The following DCHS2 variants were observed in gnomAD, a reference collection of about 807,000 sequenced individuals.
DCHS2 encodes the protein protocadherin-23.
DCHS2 carries 142 observed loss-of-function variants against 182.4 expected under a neutral mutation model. The ratio of observed to expected loss-of-function variants is 0.78; its 90% CI spans 0.68 to 0.89. The LOEUF is 0.89. DCHS2 is among the 40% of genes least tolerant of loss of function. The pLI is 0.00. For missense variants in DCHS2, 4,319 were observed against 4,198.6 expected (o/e 1.03, Z -0.79); for synonymous variants, 1,740 against 1,663.3 (o/e 1.05, Z -1.12).
chr4:154,374,267 C>T, intron 2 of DCHS2: 1 of 326,280 alleles, frequency 3.1e-6, no homozygotes, highest in Non-Finnish European at 5.7e-6. Flanking sequence ...GTTGAATCAA[C>T]AGGGGCTTGT....
chr4:154,456,102 G>A (rs996946773), intron 1 of DCHS2, among the ~76,000 whole-genome samples: 3 of 151,122 alleles, frequency 2.0e-5, no homozygotes, highest in Admixed American at 2.0e-4. Context: ...AAAAAAAAAA[G>A]TAATAATTTG....
chr4:154,393,216 C>A (rs1255194469), intron 1 of DCHS2, among the ~76,000 whole-genome samples: 1 of 152,122 alleles, frequency 6.6e-6, no homozygotes, highest in Admixed American at 6.6e-5. Context: ...CCAGAAGAGA[C>A]CAACAGATAA....
At chr4:154,406,593 C>T (rs1732411750) in intron 1 of DCHS2, among the ~76,000 whole-genome samples, 1 of 152,172 alleles carries the variant, frequency 6.6e-6, no homozygotes, top group South Asian at 2.1e-4. Flanking sequence ...ATCAACCCCA[C>T]CCAAGAATGT....
chr4:154,236,162 C>A lies in DCHS2; in HGVS notation c.8490G>T (p.Leu2830Phe). The A allele has an allele frequency of 6.2e-7, 1 of 1,613,740 alleles. No individual in the cohort carries two copies. The highest frequency in any genetic ancestry group is 8.5e-7 in the Non-Finnish European group (1 of 1,179,944). ...TTTGCTTAGCATGAATATCCCCTGTCAAAGGGTCAATGAGGAAGAGATCAT... is the reference window on the plus strand; with the variant it reads ...TTTGCTTAGCATGAATATCCCCTGTAAAAGGGTCAATGAGGAAGAGATCAT... ...YDHDLFLIDPLTGDIHAKQIL... is the reference protein window; with the variant it reads ...YDHDLFLIDPFTGDIHAKQIL... Residue 2830 changes from leucine to phenylalanine, a missense_variant, in exon 20 of 20, where the codon TTG becomes TTT. By Grantham distance (22) the Leu-to-Phe change is conservative (BLOSUM62 0). Coordinates refer to ENST00000357232, the MANE Select transcript of DCHS2 (RefSeq NM_001358235.2).
chr4:154,345,626 C>T (rs1411611900), intron 3 of DCHS2, among the ~76,000 whole-genome samples: 6 of 151,328 alleles, frequency 4.0e-5, no homozygotes, highest in South Asian at 2.1e-4. Context: ...CTTCATGAAA[C>T]CTATCATAAC....
At chr4:154,421,103 A>T (rs2110914717) in intron 1 of DCHS2, among the ~76,000 whole-genome samples, 1 of 152,338 alleles carries the variant, frequency 6.6e-6, no homozygotes, top group South Asian at 2.1e-4. Context: ...GATAGGTATT[A>T]TCTAGATACT....
Position 154,360,887 on chromosome 4 carries a change from G to C in DCHS2, c.2476+5323C>G, listed in dbSNP as rs1267010539. Among the ~76,000 whole-genome samples the C allele has an allele frequency of 4.6e-5, 7 of 152,106 alleles. No homozygotes were observed. The South Asian group carries it at 1.2e-3, about 27-fold the overall frequency. ...TTTGTGTACACCACAACTAAACATAGAACAGACAAAGGCTAAGCCACATAA... is the reference window on the plus strand; with the variant it reads ...TTTGTGTACACCACAACTAAACATACAACAGACAAAGGCTAAGCCACATAA... On this transcript the variant is annotated intron_variant, in intron 3 of 19. Coordinates refer to ENST00000357232, the MANE Select transcript of DCHS2 (RefSeq NM_001358235.2).
At chr4:154,324,971 G>T (rs1736219997) in intron 7 of DCHS2, among the ~76,000 whole-genome samples, 1 of 152,034 alleles carries the variant, frequency 6.6e-6, no homozygotes, top group Non-Finnish European at 1.5e-5. Context: ...AAAAAATAAA[G>T]ATGGGAATAA....
chr4:154,321,116 G>A lies in DCHS2; in HGVS notation c.4283C>T (p.Ser1428Phe), dbSNP rs1736046222. The part of the protein sequence containing the change: ...PTKIMSLIKS[S>F]DHLQQHYNGK... Reference sequence around the variant, plus strand: ...ATTATAATGTTGTTGAAGGTGATCAGATGACTTTATCAAGCTCATTATTTT... The same window carrying A: ...ATTATAATGTTGTTGAAGGTGATCAAATGACTTTATCAAGCTCATTATTTT... The change falls in exon 9 of 20, where the codon TCT becomes TTT. Residue 1428 changes from serine (S) to phenylalanine (F), a missense_variant. Physicochemically the swap from Ser to Phe is radical, Grantham distance 155. Transcript: ENST00000357232. 1.0e-5 allele frequency: 16 copies of A among 1,605,182 alleles called. No homozygotes were observed. Among genetic ancestry groups the A allele is most frequent in the Non-Finnish European group, 1.4e-5 (16 of 1,173,300 alleles).
Position 154,234,399 on chromosome 4 carries a change from A to G in DCHS2, c.*137T>C. The G allele has an allele frequency of 8.2e-7, 1 of 1,216,874 alleles. No homozygotes were observed. Among genetic ancestry groups the G allele is most frequent in the Non-Finnish European group, 1.1e-6 (1 of 906,448 alleles). 75.4% of individuals were successfully genotyped at this position (1,216,874 alleles called of 1,614,324 possible). Reference sequence around the variant, plus strand: ...AGAAATTGGAGAAACTTTAATGGGGAAGTTTTAAAAACTCTAACTAAATTA... The same window carrying G: ...AGAAATTGGAGAAACTTTAATGGGGGAGTTTTAAAAACTCTAACTAAATTA... On this transcript the variant is annotated 3_prime_UTR_variant, in exon 20 of 20. Transcript: ENST00000357232.
intron 16 of DCHS2, among the ~76,000 whole-genome samples, chr4:154,251,420 G>GAATT (rs1468211973): frequency 4.0e-5 from 6 of 148,298 alleles, no homozygotes; most frequent in Non-Finnish European, 9.0e-5. Context: ...TCTATTACAA[G>GAATT]AATTCAATTA....
intron 12 of DCHS2, 30 bp from the exon 13 acceptor site, chr4:154,298,738 T>G (rs1487908096): frequency 1.3e-6 from 2 of 1,529,262 alleles, no homozygotes; most frequent in Middle Eastern, 1.8e-4. Flanking sequence ...CAAATTCATT[T>G]GAATTGAAAA....
chr4:154,421,452 T>C (rs1049165332), intron 1 of DCHS2, among the ~76,000 whole-genome samples: 2 of 152,168 alleles, frequency 1.3e-5, no homozygotes, highest in African/African-American at 4.8e-5. Flanking sequence ...TGGAGTGCAA[T>C]GGCATGATCC....
At chr4:154,313,518 T>C (rs1314204081) in intron 10 of DCHS2, among the ~76,000 whole-genome samples, 1 of 152,164 alleles carries the variant, frequency 6.6e-6, no homozygotes, top group Non-Finnish European at 1.5e-5. Context: ...AAATACGTAC[T>C]ATAAAGTAAA....
At position 154,489,627 on chromosome 4, in the gene DCHS2, G is replaced by A. The variant is rs1374169718; in HGVS notation, c.1729C>T (p.Arg577Cys). ...GCCGAGAGTTGGACTACAGTGTAGCGCAGCCAGGCGTGATCACTGCCTGCC... is the reference window on the plus strand; with the variant it reads ...GCCGAGAGTTGGACTACAGTGTAGCACAGCCAGGCGTGATCACTGCCTGCC... ...DEAGSDHAWL[R>C]YTVVQLSAPC... The change falls in exon 1 of 20, where the codon CGC (arginine) becomes TGC (cysteine). Residue 577 changes from arginine (R) to cysteine (C), a missense_variant. Coordinates refer to ENST00000357232, the MANE Select transcript of DCHS2 (RefSeq NM_001358235.2). 3 of 1,551,542 alleles carry A rather than the reference G, an allele frequency of 1.9e-6. No individual in the cohort carries two copies. Among genetic ancestry groups the A allele is most frequent in the Admixed American group, 2.0e-5 (1 of 51,012 alleles).
intron 3 of DCHS2, among the ~76,000 whole-genome samples, chr4:154,356,601 C>A (rs989919347): frequency 2.0e-5 from 3 of 152,082 alleles, no homozygotes; most frequent in Non-Finnish European, 2.9e-5. Flanking sequence ...TTTAATATTC[C>A]CTTTTTACTC....
chr4:154,253,442 C>G (rs1732486501), intron 16 of DCHS2, among the ~76,000 whole-genome samples: 1 of 152,090 alleles, frequency 6.6e-6, no homozygotes, highest in Non-Finnish European at 1.5e-5. Flanking sequence ...AACACTGTAA[C>G]AGAAAGTCCT....
At chr4:154,465,479 G>T (rs1429718300) in intron 1 of DCHS2, among the ~76,000 whole-genome samples, 3 of 152,112 alleles carry the variant, frequency 2.0e-5, no homozygotes, top group Non-Finnish European at 2.9e-5. Context: ...GACCAGCCTG[G>T]ACAACATCGT....
Position 154,231,974 on chromosome 4 carries a change from AT to A in DCHS2, c.*2561del, listed in dbSNP as rs1731223523. On this transcript the variant is annotated 3_prime_UTR_variant, in exon 20 of 20. Transcript: ENST00000357232. ...GAATTTTGATATCCATTTGGTACTG[AT>A]TTACACCAGTATTTTTAAGGCTGCC... 6.6e-6 allele frequency: 1 copy of A among 152,102 alleles called. No individual in the cohort carries two copies. Among genetic ancestry groups the A allele is most frequent in the Non-Finnish European group, 1.5e-5 (1 of 67,998 alleles). The allele number at this position is 152,102 out of a possible 1,614,324, so 9.4% of individuals were successfully genotyped here. A position where few individuals can be genotyped will look rare whatever the true frequency, so the allele number is the denominator to read the frequency against.
Sources: allele counts gnomAD v4.1 joint callset (sites outside exome capture counted in the v4.1 genomes callset), GRCh38; gene constraint gnomAD v4.1.1; transcripts MANE v1.5; gene names NCBI Gene and HGNC (gene_info 2026-07-23, HGNC 2026-07-21).